Variants in GRIN3A observed in about 807,000 individuals in gnomAD.
GRIN3A encodes the protein glutamate receptor ionotropic, NMDA 3A.
GRIN3A carries 47 observed loss-of-function variants against 92.4 expected under a neutral mutation model. That is an observed-to-expected ratio of 0.51 (90% CI 0.40 to 0.65). GRIN3A has a LOEUF of 0.65. Among genes scored for constraint, GRIN3A ranks in the 30% least tolerant of loss-of-function variants. The pLI is 0.00. For synonymous variants in GRIN3A, 527 were observed against 540.6 expected (o/e 0.97, Z 0.35); for missense variants, 1,324 against 1,393.1 (o/e 0.95, Z 0.79).
chr9:101,722,757 C>T (rs950756600), intron 1 of GRIN3A, among the ~76,000 whole-genome samples: 9 of 152,132 alleles, frequency 5.9e-5, no homozygotes, highest in Middle Eastern at 3.2e-3. Context: ...CCATATAGAA[C>T]GGCTGTATTT....
intron 2 of GRIN3A, among the ~76,000 whole-genome samples, chr9:101,672,654 C>T (rs1829343454): frequency 6.6e-6 from 1 of 152,032 alleles, no homozygotes; most frequent in South Asian, 2.1e-4. Context: ...ATAGAAAAAT[C>T]AGAAAGTGTG....
chr9:101,617,649 T>G (rs1010127460), intron 5 of GRIN3A, among the ~76,000 whole-genome samples: 19 of 151,886 alleles, frequency 1.3e-4, no homozygotes, highest in Non-Finnish European at 1.6e-4. Context: ...GTGTGTGTGT[T>G]TTTCTTTTAT....
rs986679822 is a variant in GRIN3A, at chr9:101,571,071, G to C, written c.*2103C>G. ...GTACAAGTGGGTGGGGATGGCTAAGGGGCAAAATCTTCCAAAGGCAGTTGC... is the reference window on the plus strand; with the variant it reads ...GTACAAGTGGGTGGGGATGGCTAAGCGGCAAAATCTTCCAAAGGCAGTTGC... On this transcript the variant is annotated 3_prime_UTR_variant, in exon 9 of 9. Coordinates refer to ENST00000361820, the MANE Select transcript of GRIN3A (RefSeq NM_133445.3). The C allele has an allele frequency of 3.3e-5, 5 of 152,238 alleles. No homozygotes were observed. The highest frequency in any genetic ancestry group is 2.0e-4 in the Admixed American group (3 of 15,256). 9.4% of individuals were successfully genotyped at this position (152,238 alleles called of 1,614,324 possible). A position where few individuals can be genotyped will look rare whatever the true frequency, so the allele number is the denominator to read the frequency against.
At chr9:101,673,485 A>C (rs1260029194) in intron 2 of GRIN3A, among the ~76,000 whole-genome samples, 1 of 152,278 alleles carries the variant, frequency 6.6e-6, no homozygotes. Flanking sequence ...ATCACCATTT[A>C]TGACAGATTA....
At chr9:101,575,624 T>C (rs1827815802) in intron 8 of GRIN3A, among the ~76,000 whole-genome samples, 1 of 152,254 alleles carries the variant, frequency 6.6e-6, no homozygotes, top group Non-Finnish European at 1.5e-5. Flanking sequence ...TTCCATATCA[T>C]GGCCCAAAAT....
chr9:101,591,310 A>G (rs1828020918), intron 6 of GRIN3A, among the ~76,000 whole-genome samples: 2 of 152,216 alleles, frequency 1.3e-5, no homozygotes, highest in African/African-American at 2.4e-5. Flanking sequence ...TTCATCATTT[A>G]TGAAAACTGA....
chr9:101,730,721 TGA>T (rs1830127689), intron 1 of GRIN3A, among the ~76,000 whole-genome samples: 1 of 152,152 alleles, frequency 6.6e-6, no homozygotes, highest in South Asian at 2.1e-4. Flanking sequence ...ATAAAAGAGA[TGA>T]GAGAGGGCTT....
chr9:101,585,203 C>T (rs1035100984), intron 6 of GRIN3A, among the ~76,000 whole-genome samples: 6 of 152,166 alleles, frequency 3.9e-5, no homozygotes, highest in Non-Finnish European at 5.9e-5. Context: ...GCAGCTTGGA[C>T]GCCATTGATT....
At chr9:101,690,182 T>C (rs1829596844) in intron 1 of GRIN3A, among the ~76,000 whole-genome samples, 1 of 152,160 alleles carries the variant, frequency 6.6e-6, no homozygotes, top group South Asian at 2.1e-4. Flanking sequence ...AGTGTGCTAC[T>C]TATTATATTA....
chr9:101,649,503 A>C (rs1828983001), intron 3 of GRIN3A, among the ~76,000 whole-genome samples: 1 of 151,980 alleles, frequency 6.6e-6, no homozygotes, highest in African/African-American at 2.4e-5. Flanking sequence ...GGGGAGAATG[A>C]ATCTACGCCT....
intron 2 of GRIN3A, among the ~76,000 whole-genome samples, chr9:101,676,626 A>G (rs965253628): frequency 1.3e-5 from 2 of 151,858 alleles, no homozygotes; most frequent in African/African-American, 2.4e-5. Flanking sequence ...TAAGAATATT[A>G]TTACTAGTAA....
intron 6 of GRIN3A, among the ~76,000 whole-genome samples, chr9:101,597,694 A>G (rs1016073919): frequency 6.6e-6 from 1 of 152,248 alleles, no homozygotes; most frequent in African/African-American, 2.4e-5. Context: ...TACAAACAAC[A>G]TCAAAAAAAT....
chr9:101,648,992 C>T (rs1828975965), intron 3 of GRIN3A, among the ~76,000 whole-genome samples: 1 of 151,890 alleles, frequency 6.6e-6, no homozygotes, highest in South Asian at 2.1e-4. Flanking sequence ...TCATTGTTTC[C>T]CCATCAGAGG....
chr9:101,641,207 C>T (rs1411953786), intron 3 of GRIN3A, among the ~76,000 whole-genome samples: 2 of 152,188 alleles, frequency 1.3e-5, no homozygotes, highest in African/African-American at 2.4e-5. Context: ...ACTAGTTCAA[C>T]CATTGTGGAA....
intron 3 of GRIN3A, among the ~76,000 whole-genome samples, chr9:101,637,844 T>C (rs1828805113): frequency 6.6e-6 from 1 of 152,188 alleles, no homozygotes; most frequent in African/African-American, 2.4e-5. Context: ...GAAGGTGATT[T>C]AGGCCCATAA....
At chr9:101,710,587 A>C (rs1043116998) in intron 1 of GRIN3A, among the ~76,000 whole-genome samples, 15 of 152,192 alleles carry the variant, frequency 9.9e-5, no homozygotes, top group African/African-American at 3.6e-4. Flanking sequence ...GTTGTAACTC[A>C]GGGATTTCTA....
At chr9:101,732,549 GT>G (rs1830152529) in intron 1 of GRIN3A, among the ~76,000 whole-genome samples, 1 of 152,030 alleles carries the variant, frequency 6.6e-6, no homozygotes, top group South Asian at 2.1e-4. Context: ...TAGGAACCTA[GT>G]TTTTTGTTTG....
intron 6 of GRIN3A, chr9:101,592,889 T>C (rs1051082604): frequency 6.6e-6 from 1 of 151,920 alleles, no homozygotes; most frequent in African/African-American, 2.4e-5. Context: ...GCTAAGCAAG[T>C]GTAGGGAGAG....
At chr9:101,657,395 T>G (rs1829104212) in intron 3 of GRIN3A, among the ~76,000 whole-genome samples, 1 of 152,010 alleles carries the variant, frequency 6.6e-6, no homozygotes, top group Admixed American at 6.6e-5. Context: ...AGAAATGTAC[T>G]TTGCTTTATT....
Sources: allele counts gnomAD v4.1 joint callset (sites outside exome capture counted in the v4.1 genomes callset), GRCh38; gene constraint gnomAD v4.1.1; transcripts MANE v1.5; gene names NCBI Gene and HGNC (gene_info 2026-07-23, HGNC 2026-07-21).